Variants in ATP8B4 observed in about 807,000 individuals in gnomAD.
The protein encoded by ATP8B4 is probable phospholipid-transporting ATPase IM.
A neutral mutation model predicts 145.6 loss-of-function variants in ATP8B4; 133 were observed. That is an observed-to-expected ratio of 0.91 (90% CI 0.79 to 1.05). The LOEUF (loss-of-function observed/expected upper bound fraction) is 1.05, where lower values mean the gene tolerates loss of function less well. Among genes scored for constraint, ATP8B4 ranks in the 50% least tolerant of loss-of-function variants. The pLI is 0.00. For synonymous variants in ATP8B4, 507 were observed against 492.9 expected (o/e 1.03, Z -0.38); for missense variants, 1,458 against 1,425.2 (o/e 1.02, Z -0.37).
intron 24 of ATP8B4, 91 bp downstream of exon 24, chr15:49,879,285 C>T: frequency 8.8e-7 from 1 of 1,142,062 alleles, no homozygotes; most frequent in South Asian, 1.5e-5. Flanking sequence ...CCTAGGGCTG[C>T]TACTTAGAAT....
intron 5 of ATP8B4, among the ~76,000 whole-genome samples, chr15:50,040,489 C>T (rs1465053486): frequency 2.0e-5 from 3 of 152,212 alleles, no homozygotes; most frequent in Non-Finnish European, 4.4e-5. Flanking sequence ...TTTGCCAAGA[C>T]CCTGACTGGT....
intron 1 of ATP8B4, among the ~76,000 whole-genome samples, chr15:50,148,494 A>G (rs1375131351): frequency 1.3e-5 from 2 of 152,196 alleles, no homozygotes; most frequent in African/African-American, 4.8e-5. Context: ...GAATGGGATT[A>G]AGGCCCTTAC....
intron 7 of ATP8B4, among the ~76,000 whole-genome samples, chr15:50,004,011 G>T: frequency 6.6e-6 from 1 of 152,080 alleles, no homozygotes; most frequent in Non-Finnish European, 1.5e-5. Context: ...GTACTCTCCA[G>T]GACCAAGACG....
intron 1 of ATP8B4, among the ~76,000 whole-genome samples, chr15:50,157,726 ATTC>A (rs1335180675): frequency 1.8e-5 from 2 of 113,476 alleles, no homozygotes; most frequent in African/African-American, 6.0e-5. Context: ...TAACATATTT[ATTC>A]TTCTTCTTCC....
At chr15:50,057,019 T>G (rs559630232) in intron 3 of ATP8B4, among the ~76,000 whole-genome samples, 1 of 152,130 alleles carries the variant, frequency 6.6e-6, no homozygotes, top group South Asian at 2.1e-4. Flanking sequence ...AGCCACCACA[T>G]TCGGTCAGAT....
At chr15:49,951,564 T>A (rs1466677533) in intron 14 of ATP8B4, among the ~76,000 whole-genome samples, 3 of 152,204 alleles carry the variant, frequency 2.0e-5, no homozygotes, top group Non-Finnish European at 4.4e-5. Context: ...TTTTCCTCCA[T>A]CCCTGTATTT....
intron 6 of ATP8B4, among the ~76,000 whole-genome samples, chr15:50,026,333 A>G (rs958084422): frequency 6.6e-6 from 1 of 152,218 alleles, no homozygotes; most frequent in African/African-American, 2.4e-5. Context: ...TTCAATGTAC[A>G]TGAGAATCCC....
rs188268759 is a variant in ATP8B4, at chr15:49,889,545, A to G, written c.2697+7747T>C. Among the ~76,000 whole-genome samples the G allele has an allele frequency of 6.1e-4, 93 of 152,294 alleles. 2 individuals carry two copies. In the East Asian group the frequency reaches 0.017, roughly 27 times the overall value. On this transcript the variant is annotated intron_variant, in intron 23 of 27. Transcript: ENST00000284509. ...ACAACCCAGACTACATCACATCACC[A>G]TCCATCACAGATGTCCTAAGTGCCA...
At chr15:49,948,590 T>C (rs559454423) in intron 14 of ATP8B4, among the ~76,000 whole-genome samples, 1 of 152,368 alleles carries the variant, frequency 6.6e-6, no homozygotes, top group Non-Finnish European at 1.5e-5. Context: ...GTTAGCCATG[T>C]AAATGTCTTC....
At chr15:50,059,189 G>A (rs775382015) in intron 3 of ATP8B4, among the ~76,000 whole-genome samples, 10 of 152,036 alleles carry the variant, frequency 6.6e-5, no homozygotes, top group Non-Finnish European at 1.2e-4. Context: ...ACAAAAATAG[G>A]CATTTGCCTT....
intron 7 of ATP8B4, among the ~76,000 whole-genome samples, chr15:50,003,993 T>C (rs568447682): frequency 1.3e-5 from 2 of 152,302 alleles, no homozygotes; most frequent in East Asian, 3.9e-4. Context: ...TAACTGTTCT[T>C]GCTCACTGTA....
intron 2 of ATP8B4, among the ~76,000 whole-genome samples, chr15:50,105,184 C>T (rs924457203): frequency 2.7e-5 from 4 of 148,202 alleles, no homozygotes; most frequent in Non-Finnish European, 4.4e-5. Context: ...CACCAAATCT[C>T]AGAAATCACC....
At chr15:50,044,100 A>T (rs201841790) in intron 5 of ATP8B4, among the ~76,000 whole-genome samples, 1 of 152,264 alleles carries the variant, frequency 6.6e-6, no homozygotes, top group African/African-American at 2.4e-5. Context: ...AAACTTATAC[A>T]TGAATTTTTG....
At chr15:49,951,463 C>CT (rs1372360505) in intron 14 of ATP8B4, among the ~76,000 whole-genome samples, 9 of 151,772 alleles carry the variant, frequency 5.9e-5, no homozygotes, top group East Asian at 1.9e-4. Context: ...CCTTCTTAGT[C>CT]TTTTTTTTAT....
chr15:50,040,060 AG>A (rs569751751), intron 5 of ATP8B4, among the ~76,000 whole-genome samples: 69 of 152,252 alleles, frequency 4.5e-4, no homozygotes, highest in Non-Finnish European at 9.4e-4. Flanking sequence ...ACAATTTGGA[AG>A]GGTTGCTGAA....
intron 5 of ATP8B4, among the ~76,000 whole-genome samples, chr15:50,042,935 A>G (rs1347743839): frequency 1.3e-5 from 2 of 152,252 alleles, no homozygotes; most frequent in African/African-American, 4.8e-5. Flanking sequence ...TAGATAATAG[A>G]TGGCCTAACC....
At position 49,987,450 on chromosome 15, in the gene ATP8B4, A is replaced by G. The variant is rs887129895; in HGVS notation, c.689T>C (p.Ile230Thr). 1 of 1,613,928 alleles carries G rather than the reference A, an allele frequency of 6.2e-7. No individual in the cohort carries two copies. Among genetic ancestry groups the G allele is most frequent in the East Asian group, 2.2e-5 (1 of 44,876 alleles). The change falls in exon 10 of 28, where the codon ATC (isoleucine) becomes ACC (threonine). Residue 230 changes from isoleucine to threonine, a missense_variant. By Grantham distance (89) the Ile-to-Thr change is moderately conservative. Transcript: ENST00000284509. ...SKHSLNNEKI[I>T]LRGCILRNTS... ...ATTTCTCAGGATGCAGCCTCTCAGGATTATCTTCTCATTGTTGAGGGAATG... is the reference window on the plus strand; with the variant it reads ...ATTTCTCAGGATGCAGCCTCTCAGGGTTATCTTCTCATTGTTGAGGGAATG...
At chr15:50,047,324 A>G in intron 4 of ATP8B4, 27 bp downstream of exon 4, 1 of 1,357,522 alleles carries the variant, frequency 7.4e-7, no homozygotes, top group Non-Finnish European at 1.1e-6. Flanking sequence ...ACAAACAGAT[A>G]ATAGAGAAAT....
chr15:50,085,903 A>ATATTTATATATTTATATATT (rs2054910155), intron 2 of ATP8B4, among the ~76,000 whole-genome samples: 1 of 66,974 alleles, frequency 1.5e-5, no homozygotes, highest in East Asian at 3.9e-4. Context: ...GATATATATC[A>ATATTTATATATTTATATATT]TATATATTTA....
Sources: allele counts gnomAD v4.1 joint callset (sites outside exome capture counted in the v4.1 genomes callset), GRCh38; gene constraint gnomAD v4.1.1; transcripts MANE v1.5; gene names NCBI Gene and HGNC (gene_info 2026-07-23, HGNC 2026-07-21).